The following PRRX1 variants were observed in gnomAD, a reference collection of about 807,000 sequenced individuals.
PRRX1 encodes paired related homeobox 1, also known as paired mesoderm homeobox protein 1.
In PRRX1, 8 loss-of-function variants were observed where a neutral mutation model predicts 24.0. That is an observed-to-expected ratio of 0.33 (90% CI 0.20 to 0.60). The LOEUF is 0.60. Ranked by LOEUF, PRRX1 falls within the 20% of genes least tolerant of loss-of-function variation. PRRX1 has a pLI of 0.82. For synonymous variants in PRRX1, 160 were observed against 131.7 expected, an observed-to-expected ratio of 1.22 and a Z score of -1.47; for missense variants, 281 against 322.4, an observed-to-expected ratio of 0.87 and a Z score of 0.98.
At position 170,677,033 on chromosome 1, in the gene PRRX1, G is replaced by A. The variant is rs139033477; in HGVS notation, c.241+12574G>A. 2.3e-4 allele frequency among the ~76,000 whole-genome samples: 35 copies of A among 152,166 alleles called. No homozygotes were observed. The East Asian group carries it at 6.0e-3, about 26-fold the overall frequency. ...GTCATACTATAAGGGAGTGAATGGC[G>A]AATTTTCTAAATTAAGTTGTCAAGT... On this transcript the variant is annotated intron_variant, in intron 1 of 3. Transcript: ENST00000239461.
rs564186435 is a variant in PRRX1 at position 170,716,159 on chromosome 1, A to G, written c.242-3567A>G. On this transcript the variant is annotated intron_variant, in intron 1 of 3. Transcript: ENST00000239461. Reference sequence around the variant, plus strand: ...TCATGATCCCAGCAAGACTACACCTATTTATAAGGCTGTTTTGCTTGTTTT... The same window carrying G: ...TCATGATCCCAGCAAGACTACACCTGTTTATAAGGCTGTTTTGCTTGTTTT... 3.0e-4 allele frequency among the ~76,000 whole-genome samples: 46 copies of G among 152,336 alleles called. No homozygotes were observed. In the East Asian group the frequency reaches 5.8e-3, roughly 19 times the overall value.
chr1:170,700,035 T>G (rs1654302347), intron 1 of PRRX1, among the ~76,000 whole-genome samples: 1 of 152,210 alleles, frequency 6.6e-6, no homozygotes. Context: ...CGGATGGATT[T>G]CAAGGGTTTT....
intron 1 of PRRX1, among the ~76,000 whole-genome samples, chr1:170,678,474 G>A (rs1022463482): frequency 2.0e-5 from 3 of 152,242 alleles, no homozygotes; most frequent in East Asian, 1.9e-4. Context: ...CCTTATGCAA[G>A]AGAGAAGGGG....
intron 1 of PRRX1, among the ~76,000 whole-genome samples, chr1:170,708,738 C>T (rs770111393): frequency 2.0e-5 from 3 of 152,168 alleles, no homozygotes; most frequent in African/African-American, 7.2e-5. Flanking sequence ...ACTTTGTTCA[C>T]CTGCCTTCAA....
intron 1 of PRRX1, among the ~76,000 whole-genome samples, chr1:170,705,085 A>T (rs1342115033): frequency 6.6e-6 from 1 of 152,104 alleles, no homozygotes; most frequent in East Asian, 1.9e-4. Context: ...ATGGGAGAAC[A>T]TCCTTAGTGA....
chr1:170,705,534 T>C (rs1654529278), intron 1 of PRRX1, among the ~76,000 whole-genome samples: 1 of 152,122 alleles, frequency 6.6e-6, no homozygotes. Flanking sequence ...TTACCCGCCC[T>C]GGCATCCCAA....
At chr1:170,672,487 T>A (rs1653175746) in intron 1 of PRRX1, among the ~76,000 whole-genome samples, 1 of 152,160 alleles carries the variant, frequency 6.6e-6, no homozygotes, top group Admixed American at 6.5e-5. Flanking sequence ...TTCACTTAAT[T>A]TCTCATCATC....
intron 1 of PRRX1, among the ~76,000 whole-genome samples, chr1:170,687,662 T>C (rs988113716): frequency 2.6e-5 from 4 of 152,334 alleles, no homozygotes; most frequent in Middle Eastern, 3.4e-3. Flanking sequence ...GTGCCTCGTG[T>C]GTAGCAAGTC....
intron 3 of PRRX1, among the ~76,000 whole-genome samples, chr1:170,732,700 G>C (rs1180247353): frequency 6.6e-6 from 1 of 152,102 alleles, no homozygotes; most frequent in African/African-American, 2.4e-5. Flanking sequence ...GATGGCTTTG[G>C]TTCTTTTATC....
chr1:170,689,410 A>G (rs1447557580), intron 1 of PRRX1, among the ~76,000 whole-genome samples: 1 of 152,172 alleles, frequency 6.6e-6, no homozygotes, highest in Non-Finnish European at 1.5e-5. Flanking sequence ...CTTAATGCAA[A>G]TGACAAAATA....
chr1:170,673,355 T>C (rs1170507896), intron 1 of PRRX1, among the ~76,000 whole-genome samples: 1 of 152,222 alleles, frequency 6.6e-6, no homozygotes, highest in Non-Finnish European at 1.5e-5. Flanking sequence ...AGTAGTATAC[T>C]ACTGGGACAG....
chr1:170,676,075 A>C (rs1366702320), intron 1 of PRRX1, among the ~76,000 whole-genome samples: 1 of 152,210 alleles, frequency 6.6e-6, no homozygotes, highest in Non-Finnish European at 1.5e-5. Flanking sequence ...TCAGGGGAAG[A>C]CCACAGGCTG....
At chr1:170,672,220 T>G (rs1431217818) in intron 1 of PRRX1, among the ~76,000 whole-genome samples, 2 of 152,222 alleles carry the variant, frequency 1.3e-5, no homozygotes, top group Non-Finnish European at 2.9e-5. Flanking sequence ...GGATAAATTT[T>G]TAACCCCTTC....
At chr1:170,696,668 A>G (rs1481212481) in intron 1 of PRRX1, among the ~76,000 whole-genome samples, 2 of 152,204 alleles carry the variant, frequency 1.3e-5, no homozygotes, top group Non-Finnish European at 2.9e-5. Flanking sequence ...GGGGGCTTAC[A>G]CTAAGAGTCT....
intron 2 of PRRX1, among the ~76,000 whole-genome samples, chr1:170,721,028 C>A (rs901393661): frequency 6.6e-6 from 1 of 152,130 alleles, no homozygotes; most frequent in African/African-American, 2.4e-5. Flanking sequence ...ACAGAGAGGT[C>A]AAAGTATTTT....
rs531326371 is a variant in PRRX1, at chr1:170,674,493, C to G, written c.241+10034C>G. On this transcript the variant is annotated intron_variant, in intron 1 of 3. Coordinates refer to ENST00000239461, the MANE Select transcript of PRRX1 (RefSeq NM_022716.4). ...TCTGACTACTTTATTCCAGACCACACAAATCTCTTTTCTCAAGACTTACTA... is the reference window on the plus strand; with the variant it reads ...TCTGACTACTTTATTCCAGACCACAGAAATCTCTTTTCTCAAGACTTACTA... 1.3e-4 allele frequency among the ~76,000 whole-genome samples: 20 copies of G among 152,274 alleles called. 1 individual carries two copies. In the East Asian group the frequency reaches 3.7e-3, roughly 28 times the overall value.
intron 1 of PRRX1, among the ~76,000 whole-genome samples, chr1:170,710,576 G>A (rs1477783125): frequency 6.6e-6 from 1 of 152,156 alleles, no homozygotes; most frequent in African/African-American, 2.4e-5. Context: ...GTATCTTAAA[G>A]CAGTTGTCAT....
At chr1:170,698,055 T>C (rs1310227501) in intron 1 of PRRX1, among the ~76,000 whole-genome samples, 2 of 151,978 alleles carry the variant, frequency 1.3e-5, no homozygotes, top group Non-Finnish European at 2.9e-5. Context: ...CCAAATCTTA[T>C]GTAAGTGGTT....
At chr1:170,731,304 C>T (rs1655429903) in intron 3 of PRRX1, among the ~76,000 whole-genome samples, 1 of 151,254 alleles carries the variant, frequency 6.6e-6, no homozygotes, top group Non-Finnish European at 1.5e-5. Context: ...GTAACCCCTA[C>T]AGTCTTTGAA....
Sources: gnomAD v4.1 joint callset for allele counts (sites outside exome capture counted in the v4.1 genomes callset) on GRCh38, gnomAD v4.1.1 for gene constraint, MANE v1.5 for transcripts, NCBI Gene and HGNC (gene_info 2026-07-23, HGNC 2026-07-21) for gene names.